The following TRNT1 variants were observed in gnomAD, a reference collection of about 807,000 sequenced individuals.
TRNT1 encodes CCA tRNA nucleotidyltransferase 1, mitochondrial.
A neutral mutation model predicts 45.6 loss-of-function variants in TRNT1; 44 were observed. The observed-to-expected ratio is 0.97, with a 90% CI of 0.76 to 1.24. TRNT1 has a LOEUF of 1.24. Ranked by LOEUF, TRNT1 falls within the 50% of genes most tolerant of loss-of-function variation. The probability of loss-of-function intolerance (pLI) is 0.00; values close to 1 mark genes in which losing one functional copy is unlikely to be tolerated. For missense variants in TRNT1, 633 were observed against 504.4 expected (o/e 1.25, Z -2.44); for synonymous variants, 201 against 171.4 (o/e 1.17, Z -1.35).
Position 3,137,393 on chromosome 3 carries a change from G to A in TRNT1, c.282G>A (p.Gln94=), listed in dbSNP as rs527886866. The part of the protein sequence containing the change: ...ATPTQMKEMF[Q]SAGIRMINNR... Reference sequence around the variant, plus strand: ...CTACTCAAATGAAGGAGATGTTTCAGTCGGCTGGGATTCGGATGATAAACA... The same window carrying A: ...CTACTCAAATGAAGGAGATGTTTCAATCGGCTGGGATTCGGATGATAAACA... The change falls in exon 3 of 8, where the codon CAG becomes CAA. Residue 94 remains glutamine (Q), a synonymous_variant. Coordinates refer to ENST00000251607, the MANE Select transcript of TRNT1 (RefSeq NM_182916.3). 1.1e-5 allele frequency: 17 copies of A among 1,613,886 alleles called. No homozygotes were observed. In the South Asian group the frequency reaches 1.5e-4, roughly 15 times the overall value.
At chr3:3,138,012 A>G (rs940911531) in intron 3 of TRNT1, among the ~76,000 whole-genome samples, 1 of 152,234 alleles carries the variant, frequency 6.6e-6, no homozygotes, top group Admixed American at 6.5e-5. Context: ...CCAGAGCTAT[A>G]GAGTTCCTCT....
rs1483851325 is a variant in TRNT1, at chr3:3,136,634, GTTTGA to G, written c.149-622_149-618del. 3.1e-5 allele frequency: 13 copies of G among 424,070 alleles called. 1 individual carries two copies. Among genetic ancestry groups the G allele is most frequent in the Middle Eastern group, 8.1e-4 (1 of 1,234 alleles). 26.3% of individuals were successfully genotyped at this position (424,070 alleles called of 1,614,324 possible). A position where few individuals can be genotyped will look rare whatever the true frequency, so the allele number is the denominator to read the frequency against. ...TAAATGGGGAAAAGAAAGCAGAATT[GTTTGA>G]TTTACTTTCTTTTTTTTTCTTTTTT... On this transcript the variant is annotated intron_variant, in intron 2 of 7. Transcript: ENST00000251607.
chr3:3,135,935 A>AG (rs973972354), intron 2 of TRNT1, among the ~76,000 whole-genome samples: 2 of 152,084 alleles, frequency 1.3e-5, no homozygotes, highest in African/African-American at 4.8e-5. Context: ...TTCTTATAGG[A>AG]GTTGGGCTTG....
intron 5 of TRNT1, chr3:3,144,973 T>G: frequency 4.5e-6 from 1 of 220,460 alleles, no homozygotes; most frequent in Non-Finnish European, 8.7e-6. Context: ...CATTTTTCTT[T>G]TTGATTGATA....
At chr3:3,135,861 A>C (rs1171053665) in intron 2 of TRNT1, among the ~76,000 whole-genome samples, 2 of 152,214 alleles carry the variant, frequency 1.3e-5, no homozygotes, top group Admixed American at 1.3e-4. Context: ...ATGCTGAGTG[A>C]GGAGTAGCAT....
chr3:3,149,163 G>C (rs1178414897), downstream of TRNT1: 3 of 152,164 alleles, frequency 2.0e-5, no homozygotes, highest in Non-Finnish European at 4.4e-5. Context: ...ATTTTGTAGA[G>C]TGTAATATTT....
chr3:3,137,525 A>G (rs1705401907), intron 3 of TRNT1, 72 bp downstream of exon 3: 11 of 1,309,480 alleles, frequency 8.4e-6, no homozygotes, highest in Non-Finnish European at 2.1e-6. Context: ...TTCTCTAGTT[A>G]AAAGCAAATA....
At chr3:3,129,772 G>A (rs1183338781) in intron 2 of TRNT1, 2 of 1,180,230 alleles carry the variant, frequency 1.7e-6, no homozygotes, top group Admixed American at 2.0e-5. Flanking sequence ...ATTTTGACCT[G>A]TTACGTGAAA....
chr3:3,133,053 C>A (rs1158437584), intron 2 of TRNT1, among the ~76,000 whole-genome samples: 2 of 152,146 alleles, frequency 1.3e-5, no homozygotes, highest in Non-Finnish European at 2.9e-5. Flanking sequence ...CTGATGGCTG[C>A]TATATAGTGA....
At chr3:3,135,406 C>T (rs182920946) in intron 2 of TRNT1, among the ~76,000 whole-genome samples, 34 of 152,014 alleles carry the variant, frequency 2.2e-4, no homozygotes, top group South Asian at 1.0e-3. Flanking sequence ...TAATGCGTAG[C>T]GTAATTAACC....
At chr3:3,136,232 G>A (rs182537242) in intron 2 of TRNT1, among the ~76,000 whole-genome samples, 1 of 152,240 alleles carries the variant, frequency 6.6e-6, no homozygotes, top group Admixed American at 6.5e-5. Flanking sequence ...TTGATGTTTT[G>A]TGAAAATGTT....
rs139068175 is a variant in TRNT1, at chr3:3,144,947, C to T, written c.608+237C>T. ...TGTCATCTTTCCTACAATTTTAAGT[C>T]ATCTTTTTAAATGTCCATTTTTCTT... On this transcript the variant is annotated intron_variant, in intron 5 of 7. Coordinates refer to ENST00000251607, the MANE Select transcript of TRNT1 (RefSeq NM_182916.3). 2,632 of 246,782 alleles carry T rather than the reference C, an allele frequency of 0.011. 39 individuals carry two copies. Among genetic ancestry groups the T allele is most frequent in the Middle Eastern group, 0.028 (21 of 762 alleles). The allele number at this position is 246,782 out of a possible 1,614,324, so 15.3% of individuals were successfully genotyped here.
intron 3 of TRNT1, among the ~76,000 whole-genome samples, chr3:3,139,332 A>G (rs1396833099): frequency 6.6e-6 from 1 of 152,202 alleles, no homozygotes; most frequent in East Asian, 1.9e-4. Flanking sequence ...GAGTTCTGGA[A>G]TTCTATAGTG....
intron 5 of TRNT1, 85 bp from the exon 6 acceptor site, chr3:3,146,345 G>T: frequency 1.9e-6 from 2 of 1,035,370 alleles, no homozygotes; most frequent in East Asian, 2.4e-5. Context: ...AGATGTATGG[G>T]ATAGTACCAA....
Position 3,137,239 on chromosome 3 carries a change from T to C in TRNT1, c.149-21T>C, listed in dbSNP as rs188983378. 114 of 1,551,828 alleles carry C rather than the reference T, an allele frequency of 7.3e-5. No homozygotes were observed. In the African/African-American group the frequency reaches 1.3e-3, roughly 18 times the overall value. On this transcript the variant is annotated intron_variant, in intron 2 of 7. Transcript: ENST00000251607. ...GAAATAAAGAACTTGGGAATAAAAATCTTATTTTCTCTCATCTCAGAATTA... is the reference window on the plus strand; with the variant it reads ...GAAATAAAGAACTTGGGAATAAAAACCTTATTTTCTCTCATCTCAGAATTA...
chr3:3,129,833 C>T (rs1704888952), intron 2 of TRNT1: 1 of 1,542,314 alleles, frequency 6.5e-7, no homozygotes, highest in Non-Finnish European at 8.8e-7. Flanking sequence ...GTTTCTGTAA[C>T]TACTAACTAG....
At position 3,146,477 on chromosome 3, in the gene TRNT1, C is replaced by T; in HGVS notation, c.656C>T (p.Thr219Ile). Residue 219 changes from threonine (T) to isoleucine (I), a missense_variant, in exon 6 of 8, where the codon ACT (threonine) becomes ATT (isoleucine). Transcript: ENST00000251607. ...VDKPGDHDPE[T>I]LEAIAENAKG... ...AAACCTGGTGACCATGATCCTGAGA[C>T]TTTGGAAGCAATTGCAGAAAATGCA... 1 of 1,613,804 alleles carries T rather than the reference C, an allele frequency of 6.2e-7. No individual in the cohort carries two copies. The highest frequency in any genetic ancestry group is 1.3e-5 in the African/African-American group (1 of 74,986).
downstream of TRNT1, chr3:3,152,825 A>G: frequency 1.8e-6 from 1 of 547,752 alleles, no homozygotes; most frequent in Admixed American, 3.1e-5. Context: ...AGGAAATAGT[A>G]CTTGTTTTTA....
At chr3:3,149,024 CTGTT>C (rs1333174391), downstream of TRNT1, 1 of 152,022 alleles carries the variant, frequency 6.6e-6, no homozygotes, top group African/African-American at 2.4e-5. Flanking sequence ...ATAATACAAA[CTGTT>C]TATTTCAGCT....
Sources: allele counts gnomAD v4.1 joint callset (sites outside exome capture counted in the v4.1 genomes callset), GRCh38; gene constraint gnomAD v4.1.1; transcripts MANE v1.5; gene names NCBI Gene and HGNC (gene_info 2026-07-23, HGNC 2026-07-21).